Variants in DSCAM observed in about 807,000 individuals in gnomAD.
The protein encoded by DSCAM is DS cell adhesion molecule.
Under a neutral mutation model 217.7 loss-of-function variants are expected in DSCAM, and 47 were observed. The observed-to-expected ratio is 0.22, with a 90% confidence interval of 0.17 to 0.28. DSCAM has a LOEUF of 0.28. DSCAM is among the 10% of genes least tolerant of loss of function. The pLI, the probability that DSCAM is intolerant of heterozygous loss-of-function variation, is 1.00. For missense variants in DSCAM, 2,080 were observed against 2,618.3 expected (o/e 0.79, Z 4.49); for synonymous variants, 1,056 against 1,015.3 (o/e 1.04, Z -0.76).
At chr21:40,776,198 A>G (rs1754979535) in intron 1 of DSCAM, among the ~76,000 whole-genome samples, 1 of 152,184 alleles carries the variant, frequency 6.6e-6, no homozygotes, top group Admixed American at 6.5e-5. Context: ...ATATAAATAA[A>G]TACCTCTAAT....
At chr21:40,386,882 A>AT (rs2075090998) in intron 3 of DSCAM, among the ~76,000 whole-genome samples, 1 of 152,094 alleles carries the variant, frequency 6.6e-6, no homozygotes, top group Non-Finnish European at 1.5e-5. Flanking sequence ...TCCCTCTAGG[A>AT]TTTTAAGATA....
chr21:40,041,131 T>C (rs927271053), intron 32 of DSCAM, among the ~76,000 whole-genome samples: 3 of 152,210 alleles, frequency 2.0e-5, no homozygotes, highest in Non-Finnish European at 2.9e-5. Flanking sequence ...TCATTTCAGC[T>C]AGGCCTTGTC....
At chr21:40,308,492 G>A (rs1425471152) in intron 9 of DSCAM, among the ~76,000 whole-genome samples, 2 of 152,160 alleles carry the variant, frequency 1.3e-5, no homozygotes, top group African/African-American at 4.8e-5. Context: ...AACTGCAAAG[G>A]AGCCCTGTAC....
intron 3 of DSCAM, among the ~76,000 whole-genome samples, chr21:40,424,206 C>T (rs891495440): frequency 1.3e-5 from 2 of 152,100 alleles, no homozygotes; most frequent in African/African-American, 4.8e-5. Context: ...GGATAAATTG[C>T]GTCCCCCCAA....
chr21:40,214,104 G>C (rs1319370193), intron 11 of DSCAM, among the ~76,000 whole-genome samples: 1 of 152,230 alleles, frequency 6.6e-6, no homozygotes, highest in African/African-American at 2.4e-5. Context: ...CCTGGGTGTA[G>C]AGAACAAGGC....
intron 28 of DSCAM, among the ~76,000 whole-genome samples, chr21:40,059,842 A>G (rs1223809762): frequency 1.3e-5 from 2 of 152,144 alleles, no homozygotes; most frequent in South Asian, 2.1e-4. Flanking sequence ...TTTGACTTCT[A>G]GAGAAAACAG....
At chr21:40,362,150 G>T (rs113192202) in intron 4 of DSCAM, among the ~76,000 whole-genome samples, 1 of 152,034 alleles carries the variant, frequency 6.6e-6, no homozygotes, top group South Asian at 2.1e-4. Context: ...TATGTGCCAC[G>T]TTTTCTTAAT....
chr21:40,132,386 A>T (rs975658666), intron 19 of DSCAM, among the ~76,000 whole-genome samples: 14 of 152,178 alleles, frequency 9.2e-5, no homozygotes, highest in Non-Finnish European at 1.6e-4. Flanking sequence ...TTACATTTTT[A>T]AAAAATTAAC....
Position 40,619,970 on chromosome 21 carries a change from G to A in DSCAM, c.508+72840C>T, listed in dbSNP as rs181455848. ...GAAGAAAAAAGGAAAAAGAGAAAAA[G>A]AAGGAAAAGAAAAAGAAAGAGAGAG... On this transcript the variant is annotated intron_variant, in intron 3 of 32. Transcript: ENST00000400454. Among the ~76,000 whole-genome samples the A allele has an allele frequency of 5.5e-3, 664 of 121,806 alleles. 12 individuals are homozygous for A. Among genetic ancestry groups the A allele is most frequent in the African/African-American group, 0.019 (614 of 33,152 alleles). 79.9% of individuals were successfully genotyped at this position (121,806 alleles called of 152,430 possible). A position where few individuals can be genotyped will look rare whatever the true frequency, so the allele number is the denominator to read the frequency against.
chr21:40,376,679 A>G (rs887612044), intron 3 of DSCAM, among the ~76,000 whole-genome samples: 5 of 144,388 alleles, frequency 3.5e-5, no homozygotes, highest in Non-Finnish European at 3.0e-5. Flanking sequence ...AGATATCTAT[A>G]TATCATATAT....
chr21:40,040,054 T>C (rs751266055), intron 32 of DSCAM, among the ~76,000 whole-genome samples: 8 of 152,202 alleles, frequency 5.3e-5, no homozygotes, highest in Non-Finnish European at 1.2e-4. Flanking sequence ...TTGTATTTTG[T>C]GCCCAATGTT....
chr21:40,414,132 G>A (rs184206980), intron 3 of DSCAM, among the ~76,000 whole-genome samples: 5 of 152,178 alleles, frequency 3.3e-5, no homozygotes, highest in African/African-American at 1.2e-4. Flanking sequence ...TATAAAACAA[G>A]TTACATCACA....
At chr21:40,571,752 C>T (rs1347142961) in intron 3 of DSCAM, among the ~76,000 whole-genome samples, 2 of 152,160 alleles carry the variant, frequency 1.3e-5, no homozygotes, top group Non-Finnish European at 2.9e-5. Flanking sequence ...TATCCAAAAT[C>T]TGAAATATTC....
At chr21:40,803,776 G>T (rs572539509) in intron 1 of DSCAM, among the ~76,000 whole-genome samples, 1 of 148,212 alleles carries the variant, frequency 6.7e-6, no homozygotes, top group South Asian at 2.1e-4. Flanking sequence ...GAAGAATGGG[G>T]AAAAAAAAAA....
intron 20 of DSCAM, among the ~76,000 whole-genome samples, chr21:40,103,465 A>G (rs1242213122): frequency 1.3e-5 from 2 of 152,162 alleles, no homozygotes; most frequent in Non-Finnish European, 2.9e-5. Context: ...TTAGCAGTTC[A>G]CTGCATTAAT....
At chr21:40,085,517 AT>A in intron 23 of DSCAM, 84 bp downstream of exon 23, 1 of 1,245,530 alleles carries the variant, frequency 8.0e-7, no homozygotes, top group South Asian at 2.7e-5. Flanking sequence ...ATAAGGGCTG[AT>A]TTTAAAATTT....
chr21:40,427,094 C>G (rs2075481762), intron 3 of DSCAM, among the ~76,000 whole-genome samples: 1 of 152,196 alleles, frequency 6.6e-6, no homozygotes, highest in African/African-American at 2.4e-5. Context: ...CCACAGCACT[C>G]TCTGCAATGA....
chr21:40,525,821 A>G (rs542306324), intron 3 of DSCAM, among the ~76,000 whole-genome samples: 1 of 152,360 alleles, frequency 6.6e-6, no homozygotes, highest in South Asian at 2.1e-4. Context: ...GAGGGCTCCT[A>G]CTGAAAACCC....
At chr21:40,664,691 G>A (rs997166462) in intron 3 of DSCAM, among the ~76,000 whole-genome samples, 13 of 152,186 alleles carry the variant, frequency 8.5e-5, no homozygotes, top group African/African-American at 2.9e-4. Context: ...TTGTCAGATT[G>A]TCAGACAGTG....
Sources: gnomAD v4.1 joint callset for allele counts (sites outside exome capture counted in the v4.1 genomes callset) on GRCh38, gnomAD v4.1.1 for gene constraint, MANE v1.5 for transcripts, NCBI Gene and HGNC (gene_info 2026-07-23, HGNC 2026-07-21) for gene names.